CTNNA2: variants seen among roughly 807,000 people sequenced by gnomAD.
CTNNA2 encodes the protein catenin alpha 2, also known as catenin alpha-2.
CTNNA2 carries 42 observed loss-of-function variants against 101.0 expected under a neutral mutation model. The ratio of observed to expected loss-of-function variants is 0.42; its 90% CI spans 0.32 to 0.54. The LOEUF is 0.54. Ranked by LOEUF, CTNNA2 falls within the 20% of genes least tolerant of loss-of-function variation. CTNNA2 has a pLI of 0.14. For synonymous variants in CTNNA2, 450 were observed against 456.4 expected (o/e 0.99, Z 0.18); for missense variants, 871 against 1,223.1 (o/e 0.71, Z 4.29).
At chr2:79,803,582 G>A (rs1676336181) in intron 3 of CTNNA2, among the ~76,000 whole-genome samples, 1 of 152,238 alleles carries the variant, frequency 6.6e-6, no homozygotes. Flanking sequence ...TCCGCCCTGG[G>A]CGGGCCAGGT....
At chr2:80,249,646 C>T (rs1279029587) in intron 7 of CTNNA2, among the ~76,000 whole-genome samples, 5 of 152,104 alleles carry the variant, frequency 3.3e-5, no homozygotes, top group African/African-American at 1.2e-4. Flanking sequence ...GTTGGTGCTT[C>T]GTGGATTAGG....
At chr2:80,315,192 A>AG (rs1677990378) in intron 7 of CTNNA2, among the ~76,000 whole-genome samples, 1 of 152,172 alleles carries the variant, frequency 6.6e-6, no homozygotes, top group Admixed American at 6.5e-5. Flanking sequence ...CCAGTATCTC[A>AG]GACTTTTGAC....
chr2:80,369,833 G>A (rs1228641392), intron 7 of CTNNA2, among the ~76,000 whole-genome samples: 1 of 152,130 alleles, frequency 6.6e-6, no homozygotes, highest in Non-Finnish European at 1.5e-5. Context: ...AGCCAAGAAA[G>A]TGGGCTGTTT....
intron 7 of CTNNA2, among the ~76,000 whole-genome samples, chr2:80,183,880 C>A (rs994492497): frequency 8.9e-5 from 9 of 100,870 alleles, no homozygotes; most frequent in Non-Finnish European, 1.5e-4. Context: ...AGTGTGTGCT[C>A]TTGGGTGTGT....
Position 79,412,527 on chromosome 2 carries a change from G to T in CTNNA2, c.-135+38514G>T, listed in dbSNP as rs1678426593. 2.6e-5 allele frequency among the ~76,000 whole-genome samples: 4 copies of T among 151,878 alleles called. No individual in the cohort carries two copies. In the South Asian group the frequency reaches 8.3e-4, roughly 32 times the overall value. On this transcript the variant is annotated intron_variant, in intron 4 of 21. Coordinates refer to the CTNNA2 transcript ENST00000466387. ...TCTCCTCAGCAAATGTAAAAGAACA[G>T]AAATTATAACAAACTGTCTCTCAGA...
At chr2:80,482,493 A>C (rs1417867476) in intron 9 of CTNNA2, among the ~76,000 whole-genome samples, 1 of 152,132 alleles carries the variant, frequency 6.6e-6, no homozygotes, top group Admixed American at 6.6e-5. Flanking sequence ...TGTAATGTGA[A>C]AGCAACTATA....
chr2:80,424,257 C>T (rs910221931), intron 9 of CTNNA2, among the ~76,000 whole-genome samples: 8 of 152,126 alleles, frequency 5.3e-5, no homozygotes, highest in African/African-American at 1.9e-4. Flanking sequence ...CCCGGCCCAG[C>T]AAACATTCAA....
chr2:80,163,385 G>A (rs531670671), intron 7 of CTNNA2, among the ~76,000 whole-genome samples: 1 of 152,068 alleles, frequency 6.6e-6, no homozygotes, highest in Non-Finnish European at 1.5e-5. Flanking sequence ...GAAGTGTGTT[G>A]TTTAGTTTTC....
At chr2:80,140,777 G>T (rs905314894) in intron 7 of CTNNA2, among the ~76,000 whole-genome samples, 1 of 152,036 alleles carries the variant, frequency 6.6e-6, no homozygotes, top group African/African-American at 2.4e-5. Flanking sequence ...CACTTAAATT[G>T]CATGTTTTAT....
intron 4 of CTNNA2, among the ~76,000 whole-genome samples, chr2:79,409,732 G>A (rs80104987): frequency 0.21 from 28,385 of 132,168 alleles, 1,623 homozygotes; most frequent in South Asian, 0.3. Flanking sequence ...GTCAGGTAGC[G>A]TGATGCCTCC....
chr2:79,536,474 T>A (rs954520766), intron 1 of CTNNA2, among the ~76,000 whole-genome samples: 15 of 152,196 alleles, frequency 9.9e-5, no homozygotes, highest in Middle Eastern at 3.4e-3. Context: ...ATCTTAAAAT[T>A]GCGAAACTGT....
At chr2:79,976,406 T>C (rs1285608554) in intron 7 of CTNNA2, among the ~76,000 whole-genome samples, 1 of 152,152 alleles carries the variant, frequency 6.6e-6, no homozygotes, top group South Asian at 2.1e-4. Context: ...TGCAGAATGC[T>C]CCTTCCTTTT....
chr2:79,972,608 G>T (rs1690561382), intron 7 of CTNNA2, among the ~76,000 whole-genome samples: 2 of 152,120 alleles, frequency 1.3e-5, no homozygotes, highest in South Asian at 4.1e-4. Flanking sequence ...CTGGAGTTAG[G>T]TTACAAGTGG....
chr2:79,445,621 T>A (rs1216593468), intron 4 of CTNNA2, among the ~76,000 whole-genome samples: 1 of 152,164 alleles, frequency 6.6e-6, no homozygotes, highest in African/African-American at 2.4e-5. Context: ...ACCTGTTGAT[T>A]AGTGGTTCTA....
intron 3 of CTNNA2, among the ~76,000 whole-genome samples, chr2:79,347,426 G>C (rs142805925): frequency 5.9e-5 from 9 of 152,068 alleles, no homozygotes; most frequent in African/African-American, 1.9e-4. Context: ...TTACTTAAAG[G>C]GTTGTTGGGA....
intron 1 of CTNNA2, among the ~76,000 whole-genome samples, chr2:79,519,186 G>A (rs1328724451): frequency 2.1e-5 from 3 of 145,026 alleles, no homozygotes; most frequent in Admixed American, 1.4e-4. Flanking sequence ...CCGAGATGGT[G>A]CCACTGCACT....
At chr2:80,567,198 G>A (rs1482540717) in intron 12 of CTNNA2, among the ~76,000 whole-genome samples, 1 of 152,062 alleles carries the variant, frequency 6.6e-6, no homozygotes, top group African/African-American at 2.4e-5. Context: ...GGTGAATTGG[G>A]GGAATACTTA....
intron 4 of CTNNA2, among the ~76,000 whole-genome samples, chr2:79,439,139 T>A (rs192631112): frequency 6.6e-6 from 1 of 152,330 alleles, no homozygotes. Context: ...GCAGCATTAT[T>A]CACAACAACT....
intron 1 of CTNNA2, among the ~76,000 whole-genome samples, chr2:79,646,413 C>T (rs894151549): frequency 2.6e-5 from 4 of 152,076 alleles, no homozygotes; most frequent in Admixed American, 6.5e-5. Flanking sequence ...GCATCCTGGC[C>T]TGTGCCTCTT....
Sources: allele counts gnomAD v4.1 joint callset (sites outside exome capture counted in the v4.1 genomes callset), GRCh38; gene constraint gnomAD v4.1.1; transcripts MANE v1.5; gene names NCBI Gene and HGNC (gene_info 2026-07-23, HGNC 2026-07-21).